The following ITPR1 variants were observed in gnomAD, a reference collection of about 807,000 sequenced individuals.
ITPR1 encodes inositol 1,4,5-trisphosphate receptor type 1.
Under a neutral mutation model 318.4 loss-of-function variants are expected in ITPR1, and 96 were observed. The ratio of observed to expected loss-of-function variants is 0.30; its 90% CI spans 0.26 to 0.36. The LOEUF is 0.36. ITPR1 is among the 10% of genes least tolerant of loss of function. ITPR1 has a pLI of 1.00. For missense variants in ITPR1, 2,440 were observed against 3,460.2 expected (o/e 0.71, Z 7.40); for synonymous variants, 1,312 against 1,289.9 (o/e 1.02, Z -0.37).
chr3:4,710,295 C>A lies in ITPR1; in HGVS notation c.4843-30C>A. The A allele has an allele frequency of 6.6e-7, 1 of 1,514,628 alleles. No individual in the cohort carries two copies. Among genetic ancestry groups the A allele is most frequent in the South Asian group, 1.3e-5 (1 of 79,708 alleles). 93.8% of individuals were successfully genotyped at this position (1,514,628 alleles called of 1,614,324 possible). A position where few individuals can be genotyped will look rare whatever the true frequency, so the allele number is the denominator to read the frequency against. On this transcript the variant is annotated intron_variant, in intron 37 of 61. Coordinates refer to ENST00000649015, the MANE Select transcript of ITPR1 (RefSeq NM_001378452.1). This position sits in a 1 kb window ranked among gnomAD's most constrained non-coding sequence, Gnocchi z 4.2. ...CTCCTGTGGTCAGCGTCTGCCTGAG[C>A]CGTTGACTGAGGCTGTGTTTCCGTT...
At chr3:4,604,185 G>GT (rs1422371199) in intron 4 of ITPR1, among the ~76,000 whole-genome samples, 3 of 152,174 alleles carry the variant, frequency 2.0e-5, no homozygotes, top group Non-Finnish European at 4.4e-5. Flanking sequence ...CTGAGGATAT[G>GT]TTTTAGGTGA....
At chr3:4,638,146 A>T (rs867980634) in intron 5 of ITPR1, among the ~76,000 whole-genome samples, 20 of 152,290 alleles carry the variant, frequency 1.3e-4, no homozygotes, top group Middle Eastern at 3.4e-3. Flanking sequence ...AAGACACATT[A>T]CCTGGGAAAG....
At chr3:4,742,720 A>T (rs1235017150) in intron 44 of ITPR1, among the ~76,000 whole-genome samples, 1 of 152,158 alleles carries the variant, frequency 6.6e-6, no homozygotes, top group African/African-American at 2.4e-5. Context: ...CAGCCTCCTG[A>T]GTAGCTGGGA....
intron 44 of ITPR1, among the ~76,000 whole-genome samples, chr3:4,763,668 TGAG>T (rs1263466423): frequency 1.9e-4 from 29 of 152,232 alleles, no homozygotes; most frequent in African/African-American, 7.0e-4. Context: ...CTTGAGCGAC[TGAG>T]GACTGGAATC....
chr3:4,632,929 CTTTTTTTTTTTTTTT>C (rs1156474451), intron 5 of ITPR1, among the ~76,000 whole-genome samples: 116 of 66,030 alleles, frequency 1.8e-3, no homozygotes, highest in Non-Finnish European at 2.7e-3. Flanking sequence ...ACTTTCAGGT[CTTTTTTTTTTTTTTT>C]TTTTTTTTTT....
chr3:4,551,024 T>C (rs1414578738), intron 4 of ITPR1, among the ~76,000 whole-genome samples: 2 of 152,218 alleles, frequency 1.3e-5, no homozygotes, highest in African/African-American at 4.8e-5. Flanking sequence ...ACATCTCACA[T>C]AGAGCTATCT....
chr3:4,563,448 G>A (rs568235314), intron 4 of ITPR1, among the ~76,000 whole-genome samples: 1 of 152,290 alleles, frequency 6.6e-6, no homozygotes, highest in East Asian at 1.9e-4. Flanking sequence ...GATCGAGGCT[G>A]CAGTGAGCTG....
Position 4,648,546 on chromosome 3 carries a change from A to G in ITPR1, c.855+2818A>G, listed in dbSNP as rs187750979. On this transcript the variant is annotated intron_variant, in intron 10 of 61. Coordinates refer to ENST00000649015, the MANE Select transcript of ITPR1 (RefSeq NM_001378452.1). Reference sequence around the variant, plus strand: ...TTGTTTTGGCCAGGTGCGATGGCTCATGCCTGTAATCCCAGCACTTTGGGA... The same window carrying G: ...TTGTTTTGGCCAGGTGCGATGGCTCGTGCCTGTAATCCCAGCACTTTGGGA... 3.3e-3 allele frequency among the ~76,000 whole-genome samples: 496 copies of G among 152,354 alleles called. 1 individual carries two copies. Among genetic ancestry groups the G allele is most frequent in the Non-Finnish European group, 5.3e-3 (361 of 68,026 alleles).
intron 2 of ITPR1, among the ~76,000 whole-genome samples, chr3:4,505,367 ATTC>A (rs965393772): frequency 7.9e-5 from 12 of 152,246 alleles, no homozygotes; most frequent in African/African-American, 2.4e-4. Context: ...TAATTTTTGT[ATTC>A]TTAGTAAAGA....
At chr3:4,655,607 G>C (rs1236635203) in intron 12 of ITPR1, among the ~76,000 whole-genome samples, 1 of 152,160 alleles carries the variant, frequency 6.6e-6, no homozygotes, top group African/African-American at 2.4e-5. Context: ...AGTTAGGGTG[G>C]GTTTTAGGAT....
rs539408725 is a variant in ITPR1, at chr3:4,608,157, A to G, written c.164-19606A>G. On this transcript the variant is annotated intron_variant, in intron 4 of 61. Transcript: ENST00000649015. Reference sequence around the variant, plus strand: ...TCCTCCCCACTGCTACAATTTTCTCAATGTTATACATTTTGCAAAAGCAGT... The same window carrying G: ...TCCTCCCCACTGCTACAATTTTCTCGATGTTATACATTTTGCAAAAGCAGT... 7.9e-5 allele frequency among the ~76,000 whole-genome samples: 12 copies of G among 152,258 alleles called. No homozygotes were observed. The South Asian group carries it at 2.3e-3, about 29-fold the overall frequency.
rs773502771 is a variant in ITPR1 at position 4,733,183 on chromosome 3, A to C, written c.5316A>C (p.Pro1772=). 1.2e-6 allele frequency: 2 copies of C among 1,613,926 alleles called. No homozygotes were observed. The highest frequency in any genetic ancestry group is 1.3e-5 in the African/African-American group (1 of 74,940). Residue 1772 remains proline, a synonymous_variant, in exon 43 of 62, where the codon CCA becomes CCC. Coordinates refer to ENST00000649015, the MANE Select transcript of ITPR1 (RefSeq NM_001378452.1). ...GCCTTACCAGCTTTGGCAATGGCCC[A>C]CTGTCAGCAGGAGGACCCGGCAAGC... ...RESLTSFGNG[P]LSAGGPGKPG... is the part of the protein sequence containing the mutation.
At chr3:4,738,381 C>G (rs1412851342) in intron 44 of ITPR1, among the ~76,000 whole-genome samples, 1 of 152,178 alleles carries the variant, frequency 6.6e-6, no homozygotes, top group Non-Finnish European at 1.5e-5. Flanking sequence ...CAGGATGTCA[C>G]AAACAGAGAC....
chr3:4,746,351 A>G (rs2044108908), intron 44 of ITPR1, among the ~76,000 whole-genome samples: 1 of 152,012 alleles, frequency 6.6e-6, no homozygotes, highest in Admixed American at 6.5e-5. Context: ...GTCTGGCCCC[A>G]CCTGGGTTTC....
chr3:4,736,992 A>G (rs745693412), intron 44 of ITPR1, among the ~76,000 whole-genome samples: 17 of 152,192 alleles, frequency 1.1e-4, no homozygotes, highest in Admixed American at 8.5e-4. Context: ...TCATAAACCA[A>G]TGGATTCAGG....
intron 30 of ITPR1, among the ~76,000 whole-genome samples, chr3:4,688,097 A>C (rs921122925): frequency 6.6e-6 from 1 of 151,748 alleles, no homozygotes; most frequent in African/African-American, 2.4e-5. Context: ...GTGTCTCACT[A>C]TGTTGGCCAG....
chr3:4,611,035 C>T (rs1220001358), intron 4 of ITPR1, among the ~76,000 whole-genome samples: 7 of 83,422 alleles, frequency 8.4e-5, no homozygotes, highest in African/African-American at 2.9e-4. Flanking sequence ...TCCTCCCTCC[C>T]TCCCTCCCTC....
At chr3:4,647,336 T>A (rs568282575) in intron 10 of ITPR1, among the ~76,000 whole-genome samples, 12 of 152,354 alleles carry the variant, frequency 7.9e-5, no homozygotes, top group African/African-American at 2.9e-4. Context: ...CTTCTGGCTA[T>A]TTCAAATAAA....
At chr3:4,622,255 C>T (rs1456619410) in intron 4 of ITPR1, among the ~76,000 whole-genome samples, 2 of 151,462 alleles carry the variant, frequency 1.3e-5, no homozygotes, top group Non-Finnish European at 2.9e-5. Flanking sequence ...GCTGGGACTA[C>T]AGGCGCATGC....
Sources: gnomAD v4.1 joint callset for allele counts (sites outside exome capture counted in the v4.1 genomes callset) on GRCh38, gnomAD v4.1.1 for gene constraint, Gnocchi (gnomAD v3.1) non-coding constraint, MANE v1.5 for transcripts, NCBI Gene and HGNC (gene_info 2026-07-23, HGNC 2026-07-21) for gene names.